The following PRKX variants were observed in gnomAD, a reference collection of about 807,000 sequenced individuals.
The protein encoded by PRKX is protein kinase cAMP-dependent X-linked catalytic subunit, also known as cAMP-dependent protein kinase catalytic subunit PRKX.
Under a neutral mutation model 22.0 loss-of-function variants are expected in PRKX, and 12 were observed. The ratio of observed to expected loss-of-function variants is 0.54; its 90% CI spans 0.35 to 0.88. The LOEUF (loss-of-function observed/expected upper bound fraction) is 0.88, where lower values mean the gene tolerates loss of function less well. PRKX is among the 40% of genes least tolerant of loss of function. The pLI is 0.01. For synonymous variants in PRKX, 134 were observed against 137.7 expected (o/e 0.97, Z 0.19); for missense variants, 217 against 308.0 (o/e 0.70, Z 2.21).
intron 2 of PRKX, among the ~76,000 whole-genome samples, chrX:3,666,017 T>G (rs986870156): frequency 6.8e-5 from 3 of 44,160 alleles, no homozygotes; most frequent in African/African-American, 3.3e-4. Flanking sequence ...TGTTTTCTGT[T>G]TTTTTTTTTT....
At chrX:3,637,188 G>A (rs142265977) in intron 4 of PRKX, among the ~76,000 whole-genome samples, 152 of 110,438 alleles carry the variant, frequency 1.4e-3, no homozygotes, top group African/African-American at 4.7e-3. Flanking sequence ...CTTTGGGCAG[G>A]GGGACAGGTC....
rs1872953649 is a variant in PRKX at position 3,608,017 on chromosome X, G to C, written c.*952C>G. ...TCATCTCAGCCTCCTGAGTAGCTGA[G>C]ACTACACTCACGTGCCACCATGCCC... On this transcript the variant is annotated 3_prime_UTR_variant, in exon 9 of 9. Coordinates refer to ENST00000262848, the MANE Select transcript of PRKX (RefSeq NM_005044.5). The C allele has an allele frequency of 9.4e-6, 1 of 106,364 alleles. No individual in the cohort carries two copies. The highest frequency in any genetic ancestry group is 1.9e-5 in the Non-Finnish European group (1 of 51,830). 8.8% of individuals were successfully genotyped at this position (106,364 alleles called of 1,213,427 possible). A position where few individuals can be genotyped will look rare whatever the true frequency, so the allele number is the denominator to read the frequency against.
intron 4 of PRKX, among the ~76,000 whole-genome samples, chrX:3,627,246 G>A (rs1926678289): frequency 9.1e-6 from 1 of 109,472 alleles, no homozygotes; most frequent in African/African-American, 3.3e-5. Context: ...GCCAGGCGTG[G>A]TGGCACGCGT....
At chrX:3,689,727 C>T (rs748541423) in intron 1 of PRKX, among the ~76,000 whole-genome samples, 4 of 111,536 alleles carry the variant, frequency 3.6e-5, no homozygotes, top group South Asian at 3.7e-4. Context: ...CCTGTAATCC[C>T]AACACTTTGG....
At chrX:3,629,611 G>A (rs778503776) in intron 4 of PRKX, among the ~76,000 whole-genome samples, 1 of 110,361 alleles carries the variant, frequency 9.1e-6, no homozygotes, top group African/African-American at 3.3e-5. Context: ...CACAACAGGT[G>A]CTCAATAAAT....
intron 2 of PRKX, among the ~76,000 whole-genome samples, chrX:3,669,249 T>TCTATCATCTATAG (rs1198485051): frequency 1.9e-4 from 21 of 112,434 alleles, no homozygotes; most frequent in South Asian, 1.5e-3. Flanking sequence ...CTATCAACCA[T>TCTATCATCTATAG]CTATCATCTA....
intron 1 of PRKX, among the ~76,000 whole-genome samples, chrX:3,695,757 A>G (rs1222942446): frequency 9.0e-6 from 1 of 111,379 alleles, no homozygotes; most frequent in Non-Finnish European, 1.9e-5. Context: ...CTGGGACCAC[A>G]TGTCTTTACT....
intron 4 of PRKX, among the ~76,000 whole-genome samples, chrX:3,628,677 A>C (rs1277394117): frequency 9.0e-6 from 1 of 111,520 alleles, no homozygotes. Context: ...TCAAGGCTGC[A>C]GTGAGCTGTG....
At chrX:3,620,576 T>C (rs989016308) in intron 6 of PRKX, among the ~76,000 whole-genome samples, 1 of 112,337 alleles carries the variant, frequency 8.9e-6, no homozygotes, top group African/African-American at 3.2e-5. Flanking sequence ...CATTAGCACC[T>C]GAGCTCCGCC....
rs1926125221 is a variant in PRKX at position 3,604,765 on chromosome X, G to C, written c.*4204C>G. 4 of 111,949 alleles carry C rather than the reference G, an allele frequency of 3.6e-5. No individual in the cohort carries two copies. In the Admixed American group the frequency reaches 3.8e-4, roughly 11 times the overall value. 9.2% of individuals were successfully genotyped at this position (111,949 alleles called of 1,213,427 possible). On this transcript the variant is annotated 3_prime_UTR_variant, in exon 9 of 9. Transcript: ENST00000262848. ...CTCAGAGCACAAGGACTGTGGAAAG[G>C]CTTCAAGTCTCATCTGCTAAAACAC...
At position 3,605,051 on chromosome X, in the gene PRKX, AC is replaced by A. The variant is rs1361978586; in HGVS notation, c.*3917del. ...CACACACACACACACACACACACAC[AC>A]ACACACACCCCGCAAAGAAACTATC... is the stretch of plus-strand genomic sequence containing the variant. On this transcript the variant is annotated 3_prime_UTR_variant, in exon 9 of 9. Coordinates refer to ENST00000262848, the MANE Select transcript of PRKX (RefSeq NM_005044.5). The A allele has an allele frequency of 2.4e-5, 2 of 84,989 alleles. No homozygotes were observed. Among genetic ancestry groups the A allele is most frequent in the African/African-American group, 8.0e-5 (2 of 25,146 alleles). The allele number at this position is 84,989 out of a possible 1,213,427, so 7.0% of individuals were successfully genotyped here.
chrX:3,692,527 C>CTTTT (rs34719641), intron 1 of PRKX, among the ~76,000 whole-genome samples: 2 of 94,109 alleles, frequency 2.1e-5, no homozygotes, highest in Admixed American at 1.2e-4. Flanking sequence ...AGCAACTGAA[C>CTTTT]TTTTTTTTTT....
At chrX:3,669,337 TCCATC>T (rs1927801950) in intron 2 of PRKX, among the ~76,000 whole-genome samples, 1 of 111,252 alleles carries the variant, frequency 9.0e-6, no homozygotes, top group Non-Finnish European at 1.9e-5. Context: ...CATCCATCCA[TCCATC>T]CATCCATCCA....
In PRKX at chrX:3,674,724, G is replaced by A. The variant is rs752615800; in HGVS notation, c.209C>T (p.Thr70Ile). Reference sequence around the variant, plus strand: ...CTTGAGGGCGAAGAAATGCTTGGCTGTCTTCTCCTTCACCAGGTGCACCCG... The same window carrying A: ...CTTGAGGGCGAAGAAATGCTTGGCTATCTTCTCCTTCACCAGGTGCACCCG... ...FGRVHLVKEK[T>I]AKHFFALKVM... Residue 70 changes from threonine (T) to isoleucine (I), a missense_variant, in exon 2 of 9, where the codon ACA becomes ATA. By Grantham distance (89) the Thr-to-Ile change is moderately conservative (BLOSUM62 -1). Transcript: ENST00000262848. 5 of 1,211,230 alleles carry A rather than the reference G, an allele frequency of 4.1e-6. No homozygotes were observed. The highest frequency in any genetic ancestry group is 3.0e-5 in the East Asian group (1 of 33,847).
Position 3,606,208 on chromosome X carries a change from T to A in PRKX, c.*2761A>T, listed in dbSNP as rs1175042557. On this transcript the variant is annotated 3_prime_UTR_variant, in exon 9 of 9. Transcript: ENST00000262848. ...GATACAAATGTTGTGATTATGGTAA[T>A]GAATTTTCCTCCACATTTTGCGCAG... is the stretch of plus-strand genomic sequence containing the variant. 1 of 112,362 alleles carries A rather than the reference T, an allele frequency of 8.9e-6. No individual in the cohort carries two copies. Among genetic ancestry groups the A allele is most frequent in the Non-Finnish European group, 1.9e-5 (1 of 53,295 alleles). The allele number at this position is 112,362 out of a possible 1,213,427, so 9.3% of individuals were successfully genotyped here.
In PRKX at chrX:3,689,925, C is replaced by A. The variant is rs374033635; in HGVS notation, c.167-15159G>T. On this transcript the variant is annotated intron_variant, in intron 1 of 8. Coordinates refer to ENST00000262848, the MANE Select transcript of PRKX (RefSeq NM_005044.5). ...CCGGGAGGCAGAGCTTGCAGTGAGC[C>A]GAGATGGCACCACTGCACTCCAGCC... Among the ~76,000 whole-genome samples, 7 of 109,714 alleles carry A rather than the reference C, an allele frequency of 6.4e-5. No individual in the cohort carries two copies. The East Asian group carries it at 1.2e-3, about 18-fold the overall frequency.
At chrX:3,674,131 T>C (rs1208019839) in intron 2 of PRKX, among the ~76,000 whole-genome samples, 2 of 110,999 alleles carry the variant, frequency 1.8e-5, no homozygotes, top group African/African-American at 6.6e-5. Flanking sequence ...CAGCTGGAAG[T>C]GTGTGGGCTG....
At chrX:3,696,005 C>T (rs968243654) in intron 1 of PRKX, among the ~76,000 whole-genome samples, 1 of 111,472 alleles carries the variant, frequency 9.0e-6, no homozygotes, top group Non-Finnish European at 1.9e-5. Context: ...TGAAAGCTTG[C>T]ATCCTCCCAA....
At chrX:3,669,518 A>C (rs1057162308) in intron 2 of PRKX, among the ~76,000 whole-genome samples, 1 of 111,464 alleles carries the variant, frequency 9.0e-6, no homozygotes, top group African/African-American at 3.3e-5. Flanking sequence ...ACGCTGCTCA[A>C]CACCCTACAG....
Sources: gnomAD v4.1 joint callset for allele counts (sites outside exome capture counted in the v4.1 genomes callset) on GRCh38, gnomAD v4.1.1 for gene constraint, MANE v1.5 for transcripts, NCBI Gene and HGNC (gene_info 2026-07-23, HGNC 2026-07-21) for gene names.